The following RPS6KC1 variants were observed in gnomAD, a reference collection of about 807,000 sequenced individuals.
The protein encoded by RPS6KC1 is inactive ribosomal protein S6 kinase delta-1.
RPS6KC1 carries 54 observed loss-of-function variants against 103.8 expected under a neutral mutation model. That is an observed-to-expected ratio of 0.52 (90% CI 0.42 to 0.65). RPS6KC1 has a LOEUF of 0.65. RPS6KC1 is among the 30% of genes least tolerant of loss of function. The pLI, the probability that RPS6KC1 is intolerant of heterozygous loss-of-function variation, is 0.00. For missense variants in RPS6KC1, 1,151 were observed against 1,253.8 expected (o/e 0.92, Z 1.24); for synonymous variants, 439 against 438.7 (o/e 1.00, Z -0.01).
At chr1:213,132,298 C>T (rs966973810) in intron 6 of RPS6KC1, among the ~76,000 whole-genome samples, 3 of 152,162 alleles carry the variant, frequency 2.0e-5, no homozygotes, top group Non-Finnish European at 4.4e-5. Flanking sequence ...GCCACAATTC[C>T]AGAAGTTAAT....
chr1:213,332,029 TA>T, the RPS6KC1 span, among the ~76,000 whole-genome samples: 1,660 of 133,224 alleles, frequency 0.012, 5 homozygotes, highest in East Asian at 0.022. Context: ...CACAAGATCT[TA>T]AAAAAAAAAA....
intron 8 of RPS6KC1, among the ~76,000 whole-genome samples, chr1:213,191,077 A>G (rs1345731711): frequency 3.0e-4 from 45 of 152,048 alleles, no homozygotes; most frequent in Admixed American, 2.8e-3. Flanking sequence ...AAGTAATGTA[A>G]TGTGTTTCTT....
downstream of RPS6KC1, among the ~76,000 whole-genome samples, chr1:213,277,941 C>T (rs764884889): frequency 2.6e-5 from 4 of 152,172 alleles, no homozygotes; most frequent in Non-Finnish European, 5.9e-5. Flanking sequence ...CAGTGGCTCA[C>T]GCCTGTAATC....
At chr1:213,793,375 C>T in the RPS6KC1 span, among the ~76,000 whole-genome samples, 4 of 152,176 alleles carry the variant, frequency 2.6e-5, no homozygotes, top group Non-Finnish European at 5.9e-5. Flanking sequence ...TAAAACACCT[C>T]GCGACTGCCG....
the RPS6KC1 span, among the ~76,000 whole-genome samples, chr1:213,689,696 C>T: frequency 6.6e-6 from 1 of 152,212 alleles, no homozygotes; most frequent in African/African-American, 2.4e-5. Context: ...ACTCAGATTC[C>T]TGTGTGTAGG....
At chr1:213,485,955 C>T in the RPS6KC1 span, among the ~76,000 whole-genome samples, 1 of 152,218 alleles carries the variant, frequency 6.6e-6, no homozygotes, top group African/African-American at 2.4e-5. Flanking sequence ...TTGCTCTCAC[C>T]CTTCTGCTTC....
chr1:213,517,055 T>A, the RPS6KC1 span, among the ~76,000 whole-genome samples: 6 of 152,364 alleles, frequency 3.9e-5, no homozygotes, highest in East Asian at 1.2e-3. Flanking sequence ...TTTTTATTTC[T>A]GTGGGATCGG....
the RPS6KC1 span, among the ~76,000 whole-genome samples, chr1:213,838,727 GCAGGAC>G: frequency 6.6e-6 from 1 of 152,206 alleles, no homozygotes; most frequent in Non-Finnish European, 1.5e-5. Context: ...GAGCTGGTGC[GCAGGAC>G]CAGGCAAAGG....
At chr1:213,850,412 G>A in the RPS6KC1 span, among the ~76,000 whole-genome samples, 7 of 152,152 alleles carry the variant, frequency 4.6e-5, no homozygotes, top group Non-Finnish European at 1.0e-4. Flanking sequence ...GTTTTTAACT[G>A]GACACTGGCC....
chr1:213,433,294 A>G, the RPS6KC1 span, among the ~76,000 whole-genome samples: 1 of 152,188 alleles, frequency 6.6e-6, no homozygotes, highest in African/African-American at 2.4e-5. Context: ...AACTCTTGTG[A>G]TTGGATCAAG....
chr1:213,285,511 T>C, the RPS6KC1 span, among the ~76,000 whole-genome samples: 223 of 152,212 alleles, frequency 1.5e-3, no homozygotes, highest in Non-Finnish European at 2.5e-3. Flanking sequence ...TGTAGAAATA[T>C]GACTAAAGGA....
At chr1:213,152,524 G>A (rs1463455726) in intron 6 of RPS6KC1, among the ~76,000 whole-genome samples, 37 of 150,888 alleles carry the variant, frequency 2.5e-4, no homozygotes, top group African/African-American at 7.5e-4. Context: ...CTTCTCAGAC[G>A]GGGCGGCCGG....
the RPS6KC1 span, among the ~76,000 whole-genome samples, chr1:213,733,885 A>G: frequency 1.2e-3 from 178 of 152,334 alleles, 4 homozygotes; most frequent in East Asian, 0.033. Context: ...CTGGTGTATT[A>G]TTAAGTAGCC....
chr1:213,105,145 C>A (rs557097979), intron 4 of RPS6KC1, among the ~76,000 whole-genome samples: 1 of 150,000 alleles, frequency 6.7e-6, no homozygotes, highest in Non-Finnish European at 1.5e-5. Context: ...CAGGCCAGTG[C>A]AAATTATATT....
chr1:213,151,422 G>T lies in RPS6KC1; in HGVS notation c.836-16436G>T, dbSNP rs1409174949. 3.6e-5 allele frequency among the ~76,000 whole-genome samples: 5 copies of T among 138,968 alleles called. No individual in the cohort carries two copies. The South Asian group carries it at 1.1e-3, about 32-fold the overall frequency. 91.2% of individuals were successfully genotyped at this position (138,968 alleles called of 152,430 possible). The stretch of plus-strand genomic sequence containing the variant: ...TCCTCGCTTCCCAGTAGGGGCGGCC[G>T]GGCAGAGGCGCCCCTCACCTCCCGG... On this transcript the variant is annotated intron_variant, in intron 6 of 14. Coordinates refer to ENST00000366960, the MANE Select transcript of RPS6KC1 (RefSeq NM_012424.6).
chr1:213,160,599 C>A (rs150053551), intron 6 of RPS6KC1, among the ~76,000 whole-genome samples: 1 of 152,226 alleles, frequency 6.6e-6, no homozygotes, highest in African/African-American at 2.4e-5. Flanking sequence ...CATCAGTAGG[C>A]ATGAAGGTAT....
chr1:213,408,216 C>T, the RPS6KC1 span, among the ~76,000 whole-genome samples: 1 of 152,202 alleles, frequency 6.6e-6, no homozygotes, highest in African/African-American at 2.4e-5. Context: ...AAGTCACACT[C>T]AGCAGATGGT....
the RPS6KC1 span, among the ~76,000 whole-genome samples, chr1:213,711,019 T>G: frequency 6.6e-6 from 1 of 152,168 alleles, no homozygotes; most frequent in Admixed American, 6.5e-5. Flanking sequence ...TCGAGGAGTA[T>G]CTTTGTGGTG....
At chr1:213,558,521 T>G in the RPS6KC1 span, among the ~76,000 whole-genome samples, 1 of 152,338 alleles carries the variant, frequency 6.6e-6, no homozygotes, top group South Asian at 2.1e-4. Context: ...TTTGACTTCC[T>G]TCTTTCACAA....
Sources: allele counts gnomAD v4.1 joint callset (sites outside exome capture counted in the v4.1 genomes callset), GRCh38; gene constraint gnomAD v4.1.1; transcripts MANE v1.5; gene names NCBI Gene and HGNC (gene_info 2026-07-23, HGNC 2026-07-21).